APP: variants seen among roughly 807,000 people sequenced by gnomAD.
APP encodes the protein amyloid beta precursor protein.
A neutral mutation model predicts 101.4 loss-of-function variants in APP; 31 were observed. The observed-to-expected ratio is 0.31, with a 90% CI of 0.23 to 0.41. APP has a LOEUF of 0.41. Among genes scored for constraint, APP ranks in the 10% least tolerant of loss-of-function variants. The probability of loss-of-function intolerance (pLI) is 1.00; values close to 1 mark genes in which losing one functional copy is unlikely to be tolerated. For synonymous variants in APP, 366 were observed against 364.4 expected (o/e 1.00, Z -0.05); for missense variants, 839 against 1,003.7 (o/e 0.84, Z 2.22).
rs141096362 is a variant in APP at position 26,088,131 on chromosome 21, C to A, written c.355+1812G>T. 5.4e-3 allele frequency among the ~76,000 whole-genome samples: 823 copies of A among 152,096 alleles called. 7 individuals are homozygous for A. The highest frequency in any genetic ancestry group is 0.019 in the African/African-American group (799 of 41,462). ...GGATTATAGGCTTGAGCCACCACAC[C>A]CAGTGGAAGGAGAGCTTTTCAGAGA... On this transcript the variant is annotated intron_variant, in intron 3 of 17. Coordinates refer to ENST00000346798, the MANE Select transcript of APP (RefSeq NM_000484.4).
chr21:25,939,393 G>A (rs2040483434), intron 13 of APP, among the ~76,000 whole-genome samples: 1 of 152,242 alleles, frequency 6.6e-6, no homozygotes, highest in South Asian at 2.1e-4. Flanking sequence ...TTTAATGGTT[G>A]CGATTTAGTA....
Position 25,999,986 on chromosome 21 carries a change from T to C in APP, c.1033+29A>G, listed in dbSNP as rs766087353. The C allele has an allele frequency of 3.1e-6, 5 of 1,611,958 alleles. No individual in the cohort carries two copies. In the African/African-American group the frequency reaches 6.7e-5, roughly 22 times the overall value. ...AGTCAGTGGCGAGAGAGACGAAAGGTGGCCAGGCTCGAAGAAGGGTCCACT... is the reference window on the plus strand; with the variant it reads ...AGTCAGTGGCGAGAGAGACGAAAGGCGGCCAGGCTCGAAGAAGGGTCCACT... On this transcript the variant is annotated intron_variant, in intron 7 of 17. Transcript: ENST00000346798.
intron 5 of APP, among the ~76,000 whole-genome samples, chr21:26,037,377 T>C (rs1334302135): frequency 6.6e-6 from 1 of 152,322 alleles, no homozygotes; most frequent in East Asian, 1.9e-4. Flanking sequence ...ATATTGAATT[T>C]TCCCAACACA....
chr21:26,070,751 C>T (rs2146034576), intron 3 of APP, among the ~76,000 whole-genome samples: 1 of 152,234 alleles, frequency 6.6e-6, no homozygotes, highest in East Asian at 1.9e-4. Context: ...ACAAAACACC[C>T]AGAAAAATCT....
At chr21:26,012,961 C>T (rs1452245553) in intron 6 of APP, among the ~76,000 whole-genome samples, 1 of 150,648 alleles carries the variant, frequency 6.6e-6, no homozygotes, top group Non-Finnish European at 1.5e-5. Context: ...GCCTGGGTGA[C>T]TGAGACTCCA....
At chr21:25,943,404 G>A (rs957647698) in intron 13 of APP, among the ~76,000 whole-genome samples, 3 of 150,706 alleles carry the variant, frequency 2.0e-5, no homozygotes, top group Admixed American at 6.6e-5. Flanking sequence ...TGCCCACCTC[G>A]GCCTCCCAAA....
At chr21:26,084,976 A>C (rs531869926) in intron 3 of APP, among the ~76,000 whole-genome samples, 119 of 152,338 alleles carry the variant, frequency 7.8e-4, no homozygotes, top group African/African-American at 2.8e-3. Context: ...CAAATACAAA[A>C]TTATATGTAC....
chr21:26,012,573 G>A (rs1429424545), intron 6 of APP, among the ~76,000 whole-genome samples: 1 of 152,158 alleles, frequency 6.6e-6, no homozygotes, highest in East Asian at 1.9e-4. Flanking sequence ...CTCTGCTTTT[G>A]GAAACTCATT....
chr21:26,168,595 A>C (rs2063668257), intron 1 of APP, among the ~76,000 whole-genome samples: 2 of 152,246 alleles, frequency 1.3e-5, no homozygotes, highest in African/African-American at 2.4e-5. Context: ...ACAAAGTTAC[A>C]TATTTAAGTT....
intron 2 of APP, 127 bp from the exon 3 acceptor site, chr21:26,090,199 G>C: frequency 7.1e-7 from 1 of 1,404,150 alleles, no homozygotes; most frequent in Non-Finnish European, 9.8e-7. Flanking sequence ...GGGACCAGAA[G>C]TGCTTTCAAG....
At chr21:26,090,844 C>T (rs1000856368) in intron 2 of APP, among the ~76,000 whole-genome samples, 4 of 152,092 alleles carry the variant, frequency 2.6e-5, no homozygotes, top group Admixed American at 1.3e-4. Flanking sequence ...AATAACTTAT[C>T]GAAAAGTTAT....
At chr21:26,131,169 C>T (rs977394502) in intron 1 of APP, among the ~76,000 whole-genome samples, 4 of 151,952 alleles carry the variant, frequency 2.6e-5, no homozygotes, top group Non-Finnish European at 4.4e-5. Context: ...GCGGAGGTTG[C>T]GGTGAGCCAA....
At chr21:26,117,227 AAATACT>A (rs2062454985) in intron 1 of APP, among the ~76,000 whole-genome samples, 1 of 152,224 alleles carries the variant, frequency 6.6e-6, no homozygotes, top group African/African-American at 2.4e-5. Context: ...TTCCTGACAT[AAATACT>A]GGATTCCCTT....
intron 6 of APP, among the ~76,000 whole-genome samples, chr21:26,010,901 C>T (rs968317627): frequency 6.6e-6 from 1 of 151,026 alleles, no homozygotes; most frequent in African/African-American, 2.4e-5. Flanking sequence ...GTGAGGCACA[C>T]CTGTAATCCC....
chr21:26,113,023 T>A (rs1188231211), intron 1 of APP, among the ~76,000 whole-genome samples: 2 of 152,174 alleles, frequency 1.3e-5, no homozygotes, highest in Admixed American at 6.5e-5. Flanking sequence ...TCCTGAAATA[T>A]CTATACCGTG....
chr21:26,151,549 T>C (rs1412313218), intron 1 of APP, among the ~76,000 whole-genome samples: 1 of 152,162 alleles, frequency 6.6e-6, no homozygotes, highest in African/African-American at 2.4e-5. Flanking sequence ...ATAGCAGTGG[T>C]CCCCAGCCTT....
chr21:26,152,286 A>G (rs2063292447), intron 1 of APP, among the ~76,000 whole-genome samples: 1 of 144,550 alleles, frequency 6.9e-6, no homozygotes, highest in African/African-American at 2.6e-5. Context: ...CTCCATCTCA[A>G]AAAAAAAAAA....
intron 9 of APP, among the ~76,000 whole-genome samples, chr21:25,976,538 G>T (rs1227686559): frequency 6.6e-6 from 1 of 152,172 alleles, no homozygotes; most frequent in Non-Finnish European, 1.5e-5. Flanking sequence ...GAAGACTTCT[G>T]CTGTCTAATA....
At chr21:26,150,200 G>A (rs1472359721) in intron 1 of APP, among the ~76,000 whole-genome samples, 1 of 152,170 alleles carries the variant, frequency 6.6e-6, no homozygotes, top group Non-Finnish European at 1.5e-5. Context: ...CTGTGGAGAA[G>A]TCACAAGACA....
Sources: allele counts gnomAD v4.1 joint callset (sites outside exome capture counted in the v4.1 genomes callset), GRCh38; gene constraint gnomAD v4.1.1; transcripts MANE v1.5; gene names NCBI Gene and HGNC (gene_info 2026-07-23, HGNC 2026-07-21).